Variants in SCLT1 observed in about 807,000 individuals in gnomAD.
SCLT1 encodes sodium channel-associated protein 1.
Under a neutral mutation model 112.8 loss-of-function variants are expected in SCLT1, and 78 were observed. That is an observed-to-expected ratio of 0.69 (90% CI 0.58 to 0.83). The LOEUF (loss-of-function observed/expected upper bound fraction) is 0.83. Among genes scored for constraint, SCLT1 ranks in the 40% least tolerant of loss-of-function variants. The probability of loss-of-function intolerance (pLI) is 0.00; values close to 1 mark genes in which losing one functional copy is unlikely to be tolerated. For synonymous variants in SCLT1, 257 were observed against 254.7 expected, an observed-to-expected ratio of 1.01 and a Z score of -0.09; for missense variants, 747 against 770.4, an observed-to-expected ratio of 0.97 and a Z score of 0.36.
chr4:129,012,269 C>T (rs911766372), intron 5 of SCLT1, among the ~76,000 whole-genome samples: 1 of 152,134 alleles, frequency 6.6e-6, no homozygotes, highest in African/African-American at 2.4e-5. Flanking sequence ...TGATTTCTGC[C>T]TTAATTTCAT....
intron 12 of SCLT1, among the ~76,000 whole-genome samples, chr4:128,958,294 T>C (rs553138030): frequency 5.9e-5 from 9 of 152,312 alleles, no homozygotes; most frequent in African/African-American, 2.2e-4. Flanking sequence ...GCTGTTCTTA[T>C]GTAATAACCT....
chr4:128,947,654 C>T (rs888977079), intron 15 of SCLT1, among the ~76,000 whole-genome samples: 1 of 152,114 alleles, frequency 6.6e-6, no homozygotes, highest in African/African-American at 2.4e-5. Flanking sequence ...ATTTGGCCTC[C>T]TTTTCTTTTC....
intron 18 of SCLT1, among the ~76,000 whole-genome samples, chr4:128,896,000 G>A (rs181334216): frequency 0.026 from 3,932 of 152,302 alleles, 173 homozygotes; most frequent in African/African-American, 0.087. Context: ...AGGGGCACCC[G>A]CCATTGCCAA....
intron 8 of SCLT1, among the ~76,000 whole-genome samples, chr4:128,993,562 C>T (rs1204154334): frequency 2.6e-5 from 4 of 151,852 alleles, no homozygotes; most frequent in East Asian, 1.9e-4. Context: ...GTAAGAGCTC[C>T]GCAACTGCAT....
chr4:129,074,829 G>T (rs891850909), intron 2 of SCLT1, among the ~76,000 whole-genome samples: 2 of 152,058 alleles, frequency 1.3e-5, no homozygotes, highest in Non-Finnish European at 2.9e-5. Context: ...TGCTTCCTGG[G>T]TAACCAGAAC....
At chr4:128,892,776 T>TA (rs1733428381) in intron 18 of SCLT1, among the ~76,000 whole-genome samples, 1 of 152,198 alleles carries the variant, frequency 6.6e-6, no homozygotes, top group African/African-American at 2.4e-5. Flanking sequence ...TATTCTAACT[T>TA]AGTGATTTCA....
At chr4:128,919,079 T>C (rs11722253) in intron 18 of SCLT1, among the ~76,000 whole-genome samples, 28,192 of 151,962 alleles carry the variant, frequency 0.19, 2,838 homozygotes, top group Middle Eastern at 0.29. Context: ...TAAATTGGCC[T>C]AACAGATATT....
intron 17 of SCLT1, among the ~76,000 whole-genome samples, chr4:128,938,002 T>C (rs1737359602): frequency 6.6e-6 from 1 of 152,210 alleles, no homozygotes; most frequent in Non-Finnish European, 1.5e-5. Context: ...GTGGTTCAGA[T>C]GAAAAACACT....
intron 5 of SCLT1, among the ~76,000 whole-genome samples, chr4:129,012,760 C>A (rs955528991): frequency 6.7e-6 from 1 of 149,738 alleles, no homozygotes; most frequent in African/African-American, 2.4e-5. Context: ...TTGAATTGAA[C>A]CTTTTACCAT....
At chr4:128,915,714 T>TTTCATTCATTCA (rs200951533) in intron 18 of SCLT1, among the ~76,000 whole-genome samples, 55 of 152,182 alleles carry the variant, frequency 3.6e-4, no homozygotes, top group African/African-American at 1.2e-3. Context: ...ATTCACTAGC[T>TTTCATTCATTCA]TTCATTCATT....
chr4:128,930,391 G>C (rs1736662471), intron 18 of SCLT1, among the ~76,000 whole-genome samples: 1 of 152,156 alleles, frequency 6.6e-6, no homozygotes, highest in African/African-American at 2.4e-5. Context: ...GCTACTTCAT[G>C]AAAGACCTTG....
chr4:128,915,987 A>AT (rs1735443364), intron 18 of SCLT1, among the ~76,000 whole-genome samples: 1 of 152,262 alleles, frequency 6.6e-6, no homozygotes, highest in Non-Finnish European at 1.5e-5. Flanking sequence ...TGTTTCTAGC[A>AT]TTTAGCAGAA....
At chr4:128,980,979 G>C (rs866769413) in intron 9 of SCLT1, among the ~76,000 whole-genome samples, 21 of 152,212 alleles carry the variant, frequency 1.4e-4, no homozygotes, top group Middle Eastern at 3.4e-3. Context: ...CTCCAATAAA[G>C]TGTAATTTAA....
intron 5 of SCLT1, among the ~76,000 whole-genome samples, chr4:129,032,257 T>G (rs1222716984): frequency 2.0e-5 from 3 of 151,960 alleles, no homozygotes; most frequent in Admixed American, 6.6e-5. Context: ...CCTATTTAAT[T>G]AATGGTGCCA....
chr4:128,961,046 C>T (rs909149125), intron 11 of SCLT1, among the ~76,000 whole-genome samples: 2 of 147,578 alleles, frequency 1.4e-5, no homozygotes, highest in African/African-American at 2.5e-5. Flanking sequence ...CCTATTGACT[C>T]TATTTAGGGA....
intron 5 of SCLT1, among the ~76,000 whole-genome samples, chr4:129,022,711 G>T (rs1745602474): frequency 1.3e-5 from 2 of 152,286 alleles, no homozygotes; most frequent in South Asian, 4.1e-4. Flanking sequence ...AACCAAGTCA[G>T]AAAACACTCT....
chr4:129,087,864 T>A (rs973873231), intron 1 of SCLT1, among the ~76,000 whole-genome samples: 2 of 150,008 alleles, frequency 1.3e-5, no homozygotes, highest in Admixed American at 1.3e-4. Context: ...GGCAAGAGGA[T>A]CACTTGAGCC....
At chr4:128,875,421 G>A (rs144184043) in intron 4 of SCLT1, among the ~76,000 whole-genome samples, 18 of 152,236 alleles carry the variant, frequency 1.2e-4, no homozygotes, top group African/African-American at 3.6e-4. Context: ...GAAAAATAAC[G>A]GTTTGAGTTT....
chr4:129,092,936 T>C (rs1266850015), intron 1 of SCLT1, 134 bp downstream of exon 1: 14 of 695,554 alleles, frequency 2.0e-5, no homozygotes, highest in Non-Finnish European at 2.5e-5. Context: ...TCAAGGTTTT[T>C]TTTTTCCTGC....
Sources: allele counts gnomAD v4.1 joint callset (sites outside exome capture counted in the v4.1 genomes callset), GRCh38; gene constraint gnomAD v4.1.1; transcripts MANE v1.5; gene names NCBI Gene and HGNC (gene_info 2026-07-23, HGNC 2026-07-21).